The following MATK variants were observed in gnomAD, a reference collection of about 807,000 sequenced individuals.
The protein encoded by MATK is megakaryocyte-associated tyrosine kinase, also known as megakaryocyte-associated tyrosine-protein kinase.
Under a neutral mutation model 59.8 loss-of-function variants are expected in MATK, and 41 were observed. That is an observed-to-expected ratio of 0.69 (90% CI 0.53 to 0.89). The LOEUF is 0.89. Ranked by LOEUF, MATK falls within the 40% of genes least tolerant of loss-of-function variation. The pLI is 0.00. For synonymous variants in MATK, 308 were observed against 306.1 expected (o/e 1.01, Z -0.06); for missense variants, 593 against 719.6 (o/e 0.82, Z 2.01).
upstream of MATK, among the ~76,000 whole-genome samples, chr19:3,788,304 C>G (rs1480602381): frequency 6.7e-6 from 1 of 149,844 alleles, no homozygotes; most frequent in Non-Finnish European, 1.5e-5. Flanking sequence ...GCCTAGCCAA[C>G]GTGGTGATAC....
At chr19:3,795,374 G>A (rs1030563091) in intron 1 of MATK, among the ~76,000 whole-genome samples, 1 of 150,344 alleles carries the variant, frequency 6.7e-6, no homozygotes, top group African/African-American at 2.5e-5. Flanking sequence ...CTGGGTTCAA[G>A]CAATTCTCAT....
chr19:3,798,020 T>C (rs1211441725), intron 1 of MATK, among the ~76,000 whole-genome samples: 1 of 151,964 alleles, frequency 6.6e-6, no homozygotes, highest in East Asian at 1.9e-4. Flanking sequence ...CCAGCCTGGG[T>C]GACAGAGGGA....
chr19:3,797,019 A>C (rs992860984), intron 1 of MATK, among the ~76,000 whole-genome samples: 5 of 151,936 alleles, frequency 3.3e-5, no homozygotes, highest in Non-Finnish European at 5.9e-5. Context: ...TACATCCTGC[A>C]CTTTCACAGT....
upstream of MATK, among the ~76,000 whole-genome samples, chr19:3,788,097 T>TTAATATTATATTATATTATATTATA (rs747060842): frequency 2.2e-5 from 3 of 133,752 alleles, no homozygotes; most frequent in South Asian, 2.5e-4. Flanking sequence ...ATTATTAATA[T>TTAATATTATATTATATTATATTATA]TTATATTATA....
chr19:3,780,287 A>C (rs1296171324), intron 8 of MATK, among the ~76,000 whole-genome samples: 2 of 151,880 alleles, frequency 1.3e-5, no homozygotes, highest in South Asian at 2.1e-4. Context: ...CTCAAAAAAA[A>C]CCCCACAAAA....
At chr19:3,799,969 C>T (rs1238506426) in intron 1 of MATK, among the ~76,000 whole-genome samples, 1 of 151,348 alleles carries the variant, frequency 6.6e-6, no homozygotes, top group East Asian at 1.9e-4. Context: ...GGTGAAACCC[C>T]GTCTCTACTA....
At chr19:3,790,044 G>A (rs1453669896), upstream of MATK, among the ~76,000 whole-genome samples, 1 of 152,178 alleles carries the variant, frequency 6.6e-6, no homozygotes, top group Non-Finnish European at 1.5e-5. Flanking sequence ...TGGGATTACA[G>A]GTGCCCGCCA....
chr19:3,800,959 A>C (rs1477012412), intron 1 of MATK, among the ~76,000 whole-genome samples: 1 of 152,108 alleles, frequency 6.6e-6, no homozygotes, highest in Non-Finnish European at 1.5e-5. Context: ...CTCCAGGTTC[A>C]AGCGATTCTC....
rs530367941 is a variant in MATK, at chr19:3,795,751, CTTTTTTTTTTTTTT to C, written c.-58+5767_-58+5780del. 3.8e-4 allele frequency among the ~76,000 whole-genome samples: 21 copies of C among 54,784 alleles called. 1 individual carries two copies. Among genetic ancestry groups the C allele is most frequent in the African/African-American group, 1.4e-3 (19 of 13,990 alleles). The allele number at this position is 54,784 out of a possible 152,430, so 35.9% of individuals were successfully genotyped here. On this transcript the variant is annotated intron_variant, in intron 1 of 13. Coordinates refer to the MATK transcript ENST00000395045. ...GTCTTTATTTTCTCATAAGTAGGTG[CTTTTTTTTTTTTTT>C]TTTTTTTTTTTTTTGAGATGGAATC... is the stretch of plus-strand genomic sequence containing the variant.
chr19:3,779,605 G>C lies in MATK; in HGVS notation c.855C>G (p.His285Gln). The change falls in exon 10 of 14, where the codon CAC becomes CAG. Residue 285 changes from histidine (H) to glutamine (Q), a missense_variant. By Grantham distance (24) the His-to-Gln change is conservative. Coordinates refer to ENST00000310132, the MANE Select transcript of MATK (RefSeq NM_139355.3). ...CGCCCAGGAGACGCACCAGGTTCTC[G>C]TGTTGCATCTTCCTGGGGGCGGTGG... ...DETAVMTKMQ[H>Q]ENLVRLLGVI... 2 of 1,611,986 alleles carry C rather than the reference G, an allele frequency of 1.2e-6. No individual in the cohort carries two copies. Among genetic ancestry groups the C allele is most frequent in the Non-Finnish European group, 1.7e-6 (2 of 1,179,536 alleles).
Position 3,778,171 on chromosome 19 carries a change from C to A in MATK, c.*12G>T. ...CTCGGTCCTCTGGGGCCAAGGGCCC[C>A]ACCGGGTGGGGTCAGGGCTCCTGGC... On this transcript the variant is annotated 3_prime_UTR_variant, in exon 14 of 14. Coordinates refer to ENST00000310132, the MANE Select transcript of MATK (RefSeq NM_139355.3). 11 of 1,545,534 alleles carry A rather than the reference C, an allele frequency of 7.1e-6. No individual in the cohort carries two copies. The highest frequency in any genetic ancestry group is 8.7e-6 in the Non-Finnish European group (10 of 1,150,774).
upstream of MATK, chr19:3,789,511 A>G: frequency 9.3e-6 from 5 of 539,942 alleles, no homozygotes; most frequent in Non-Finnish European, 1.7e-5. Context: ...TCTTGAGCCC[A>G]GAGAAGGGCG....
At chr19:3,782,067 C>G (rs2037409412) in intron 7 of MATK, among the ~76,000 whole-genome samples, 1 of 152,154 alleles carries the variant, frequency 6.6e-6, no homozygotes, top group African/African-American at 2.4e-5. Flanking sequence ...GCCCTTTTCT[C>G]TTTGGCTCTC....
intron 1 of MATK, among the ~76,000 whole-genome samples, chr19:3,801,292 A>T (rs1195459544): frequency 6.6e-6 from 1 of 152,150 alleles, no homozygotes; most frequent in East Asian, 1.9e-4. Flanking sequence ...ATCCCGGGAC[A>T]AGACGGGCAA....
chr19:3,780,570 GCGCC>G (rs2037386171), intron 8 of MATK, among the ~76,000 whole-genome samples: 1 of 150,128 alleles, frequency 6.7e-6, no homozygotes, highest in African/African-American at 2.4e-5. Context: ...GGGACTACAG[GCGCC>G]CACCACCACG....
chr19:3,795,334 G>A (rs1305102964), intron 1 of MATK, among the ~76,000 whole-genome samples: 2 of 146,556 alleles, frequency 1.4e-5, no homozygotes, highest in Admixed American at 7.0e-5. Context: ...ATGCATTAAC[G>A]TGATCTCGGC....
Position 3,783,892 on chromosome 19 carries a change from G to A in MATK, c.504C>T (p.His168=), listed in dbSNP as rs145527351. 2.5e-6 allele frequency: 4 copies of A among 1,613,012 alleles called. No individual in the cohort carries two copies. In the African/African-American group the frequency reaches 4.0e-5, roughly 16 times the overall value. The change falls in exon 6 of 14, where the codon CAC becomes CAT. Residue 168 remains histidine, a synonymous_variant. Coordinates refer to ENST00000310132, the MANE Select transcript of MATK (RefSeq NM_139355.3). ...LCVSFGRDVI[H]YRVLHRDGHL... is the part of the protein sequence containing the mutation. ...GGCCGTCGCGGTGCAGCACGCGGTAGTGGATGACGTCGCGGCCAAAGCTCA... is the reference window on the plus strand; with the variant it reads ...GGCCGTCGCGGTGCAGCACGCGGTAATGGATGACGTCGCGGCCAAAGCTCA...
At position 3,785,240 on chromosome 19, in the gene MATK, G is replaced by A. The variant is rs981383457; in HGVS notation, c.-105C>T. The stretch of plus-strand genomic sequence containing the variant: ...CACAGGCCAGTCGGCTGGCACAGGA[G>A]GTAGGGAGCTGGGTGCCACTGGACC... On this transcript the variant is annotated 5_prime_UTR_variant, in exon 2 of 14. Coordinates refer to ENST00000310132, the MANE Select transcript of MATK (RefSeq NM_139355.3). 7.6e-6 allele frequency: 12 copies of A among 1,580,370 alleles called. No individual in the cohort carries two copies. The highest frequency in any genetic ancestry group is 1.0e-5 in the Non-Finnish European group (12 of 1,166,320).
intron 8 of MATK, 125 bp downstream of exon 8, chr19:3,781,482 G>T: frequency 1.0e-6 from 1 of 970,842 alleles, no homozygotes; most frequent in Non-Finnish European, 1.6e-6. Context: ...CAGAGGATTT[G>T]CACGTCTTCA....
Sources: allele counts gnomAD v4.1 joint callset (sites outside exome capture counted in the v4.1 genomes callset), GRCh38; gene constraint gnomAD v4.1.1; transcripts MANE v1.5; gene names NCBI Gene and HGNC (gene_info 2026-07-23, HGNC 2026-07-21).